NUDCD2: variants seen among roughly 807,000 people sequenced by gnomAD.
The protein encoded by NUDCD2 is NudC domain containing 2.
In NUDCD2, 16 loss-of-function variants were observed where a neutral mutation model predicts 20.8. That is an observed-to-expected ratio of 0.77 (90% CI 0.52 to 1.17). NUDCD2 has a LOEUF of 1.17. Among genes scored for constraint, NUDCD2 ranks in the 50% most tolerant of loss-of-function variants. The pLI, the probability that NUDCD2 is intolerant of heterozygous loss-of-function variation, is 0.00. For synonymous variants in NUDCD2, 87 were observed against 72.8 expected, an observed-to-expected ratio of 1.20 and a Z score of -1.00; for missense variants, 199 against 193.9, an observed-to-expected ratio of 1.03 and a Z score of -0.16.
chr5:163,457,100 A>C lies in NUDCD2; in HGVS notation c.239-20T>G, dbSNP rs201814363. ...TGTCCTCTAAAAAAAAAACACACAC[A>C]CACACACGCACAAATAAATTAGAGT... On this transcript the variant is annotated intron_variant, in intron 2 of 3. Coordinates refer to ENST00000302764, the MANE Select transcript of NUDCD2 (RefSeq NM_145266.6). 2.2e-5 allele frequency: 34 copies of C among 1,558,244 alleles called. 2 individuals are homozygous for C. The South Asian group carries it at 2.7e-4, about 13-fold the overall frequency.
chr5:163,458,454 G>A (rs1284358788), intron 1 of NUDCD2, among the ~76,000 whole-genome samples: 1 of 152,028 alleles, frequency 6.6e-6, no homozygotes, highest in Non-Finnish European at 1.5e-5. Flanking sequence ...GACTGCACCA[G>A]GCCCAGTAGC....
rs569573362 is a variant in NUDCD2 at position 163,458,601 on chromosome 5, T to A, written c.190-991A>T. 5.8e-3 allele frequency among the ~76,000 whole-genome samples: 882 copies of A among 152,162 alleles called. 10 individuals carry two copies. Among genetic ancestry groups the A allele is most frequent in the African/African-American group, 0.019 (775 of 41,522 alleles). On this transcript the variant is annotated intron_variant, in intron 1 of 3. Coordinates refer to ENST00000302764, the MANE Select transcript of NUDCD2 (RefSeq NM_145266.6). ...GACCCTGTCTCAATAAATATATATT[T>A]TTTTTTAAAGAGAGAATGCCTAAAC...
chr5:163,457,627 T>C lies in NUDCD2; in HGVS notation c.190-17A>G. ...GAGTTTGCCCTGAAAAATAAACATATAAGGTGCTAAAAATACAGAATTTAA... is the reference window on the plus strand; with the variant it reads ...GAGTTTGCCCTGAAAAATAAACATACAAGGTGCTAAAAATACAGAATTTAA... On this transcript the variant is annotated splice_polypyrimidine_tract_variant and intron_variant, in intron 1 of 3. Coordinates refer to ENST00000302764, the MANE Select transcript of NUDCD2 (RefSeq NM_145266.6). 2.7e-6 allele frequency: 4 copies of C among 1,506,744 alleles called. No homozygotes were observed. The highest frequency in any genetic ancestry group is 1.4e-5 in the African/African-American group (1 of 72,508). The allele number at this position is 1,506,744 out of a possible 1,614,324, so 93.3% of individuals were successfully genotyped here.
chr5:163,450,850 G>A lies in NUDCD2; in HGVS notation c.*3117C>T, dbSNP rs529736078. On this transcript the variant is annotated 3_prime_UTR_variant, in exon 4 of 4. Transcript: ENST00000302764. ...CATATGCACATAAAGACTTGTACAC[G>A]TTTATAGCAGCTTTAGTCAGGACAG... 9.8e-5 allele frequency: 15 copies of A among 152,308 alleles called. No homozygotes were observed. In the South Asian group the frequency reaches 1.5e-3, roughly 15 times the overall value. 9.4% of individuals were successfully genotyped at this position (152,308 alleles called of 1,614,324 possible). A position where few individuals can be genotyped will look rare whatever the true frequency, so the allele number is the denominator to read the frequency against.
rs776848201 is a variant in NUDCD2 at position 163,452,771 on chromosome 5, G to A, written c.*1196C>T. ...AGATGAATAACCTCAATCTAATCAT[G>A]AAGTATCAGACAGAACTCAAAATAA... On this transcript the variant is annotated 3_prime_UTR_variant, in exon 4 of 4. Coordinates refer to ENST00000302764, the MANE Select transcript of NUDCD2 (RefSeq NM_145266.6). 3 of 152,144 alleles carry A rather than the reference G, an allele frequency of 2.0e-5. No homozygotes were observed. Among genetic ancestry groups the A allele is most frequent in the Non-Finnish European group, 4.4e-5 (3 of 68,018 alleles). The allele number at this position is 152,144 out of a possible 1,614,324, so 9.4% of individuals were successfully genotyped here.
rs375907773 is a variant in NUDCD2 at position 163,459,944 on chromosome 5, G to C, written c.107C>G (p.Pro36Arg). 6.2e-7 allele frequency: 1 copy of C among 1,613,514 alleles called. No homozygotes were observed. The highest frequency in any genetic ancestry group is 2.2e-5 in the East Asian group (1 of 44,786). ...EEVFIEVQVP[P>R]GTRAQDIQCG... ...CTGGATATCCTGGGCGCGCGTGCCT[G>C]GCGGCACCTGAACTTCAATGAACAC... The change falls in exon 1 of 4, where the codon CCA becomes CGA. Residue 36 changes from proline to arginine, a missense_variant. By Grantham distance (103) the Pro-to-Arg change is moderately radical. Transcript: ENST00000302764.
intron 1 of NUDCD2, chr5:163,459,631 G>T (rs1472922510): frequency 5.3e-6 from 2 of 373,902 alleles, no homozygotes; most frequent in Non-Finnish European, 9.6e-6. Flanking sequence ...AGCAGAAGCA[G>T]CAGTCTTAGT....
In NUDCD2 at chr5:163,448,315, CAAAA is replaced by C. The variant is rs1296990907; in HGVS notation, c.*5648_*5651del. 1 of 151,532 alleles carries C rather than the reference CAAAA, an allele frequency of 6.6e-6. No homozygotes were observed. 9.4% of individuals were successfully genotyped at this position (151,532 alleles called of 1,614,324 possible). A position where few individuals can be genotyped will look rare whatever the true frequency, so the allele number is the denominator to read the frequency against. Reference sequence around the variant, plus strand: ...ATTGATAAACCTCTGGCAAAATTGACAAAAAAAGAGAAGGAATTCCAATCTTTGA... The same window carrying C: ...ATTGATAAACCTCTGGCAAAATTGACAAAGAGAAGGAATTCCAATCTTTGA... On this transcript the variant is annotated 3_prime_UTR_variant, in exon 4 of 4. Coordinates refer to ENST00000302764, the MANE Select transcript of NUDCD2 (RefSeq NM_145266.6).
At chr5:163,458,412 T>A (rs1758379810) in intron 1 of NUDCD2, among the ~76,000 whole-genome samples, 1 of 152,034 alleles carries the variant, frequency 6.6e-6, no homozygotes, top group Non-Finnish European at 1.5e-5. Flanking sequence ...TCATGTTTTT[T>A]AAAAAAATAA....
intron 1 of NUDCD2, chr5:163,459,179 T>G (rs1052283236): frequency 2.0e-5 from 3 of 152,102 alleles, no homozygotes; most frequent in Non-Finnish European, 4.4e-5. Flanking sequence ...TACACTGCCA[T>G]CAAACATCTT....
intron 3 of NUDCD2, 145 bp downstream of exon 3, chr5:163,456,784 C>A (rs964148089): frequency 3.7e-5 from 23 of 621,730 alleles, no homozygotes; most frequent in Non-Finnish European, 5.3e-5. Context: ...ACAAGAAAGG[C>A]CATTTTTCTA....
intron 3 of NUDCD2, among the ~76,000 whole-genome samples, chr5:163,454,529 C>A (rs897900508): frequency 6.6e-6 from 1 of 152,046 alleles, no homozygotes; most frequent in Non-Finnish European, 1.5e-5. Flanking sequence ...TTAGTAGACA[C>A]GGGGTTTCTC....
chr5:163,455,051 A>C (rs1206904493), intron 3 of NUDCD2, among the ~76,000 whole-genome samples: 2 of 152,172 alleles, frequency 1.3e-5, no homozygotes, highest in African/African-American at 4.8e-5. Flanking sequence ...TACGTATCCT[A>C]GAAAAGCTAT....
chr5:163,455,690 G>A (rs2113420153), intron 3 of NUDCD2, among the ~76,000 whole-genome samples: 1 of 151,574 alleles, frequency 6.6e-6, no homozygotes, highest in South Asian at 2.1e-4. Context: ...CGGGAATCCG[G>A]GAGGCGGAGC....
chr5:163,460,026 T>C lies in NUDCD2; in HGVS notation c.25A>G (p.Ser9Gly), dbSNP rs1165417835. The change falls in exon 1 of 4, where the codon AGT (serine) becomes GGT (glycine). Residue 9 changes from serine to glycine, a missense_variant. Ser to Gly is a moderately conservative substitution (Grantham distance 56). Transcript: ENST00000302764. MSAPFEER[S>G]GVVPCGTPWG... ...GGGGTCCCGCACGGTACCACCCCAC[T>C]CCGCTCCTCAAACGGGGCCGACATA... is the stretch of plus-strand genomic sequence containing the variant. The C allele has an allele frequency of 1.3e-6, 2 of 1,598,526 alleles. No homozygotes were observed. Among genetic ancestry groups the C allele is most frequent in the African/African-American group, 2.7e-5 (2 of 74,060 alleles).
Position 163,457,050 on chromosome 5 carries a change from G to T in NUDCD2, c.269C>A (p.Thr90Lys), listed in dbSNP as rs747827504. 1.2e-6 allele frequency: 2 copies of T among 1,610,402 alleles called. No homozygotes were observed. The highest frequency in any genetic ancestry group is 1.1e-5 in the South Asian group (1 of 90,690). Residue 90 changes from threonine (T) to lysine (K), a missense_variant, in exon 3 of 4, where the codon ACA becomes AAA. Thr to Lys is a moderately conservative substitution (Grantham distance 78). Coordinates refer to ENST00000302764, the MANE Select transcript of NUDCD2 (RefSeq NM_145266.6). ...ATTTGCTGCATCTCTCTTTGTCTTT[G>T]TAAGAACAATACGAACCATTTTTCT... ...EDRKMVRIVL[T>K]KTKRDAANCW... is the part of the protein sequence containing the mutation.
At chr5:163,458,855 T>A (rs1465070455) in intron 1 of NUDCD2, 2 of 152,240 alleles carry the variant, frequency 1.3e-5, no homozygotes, top group Non-Finnish European at 1.5e-5. Flanking sequence ...AAACTATGAA[T>A]TGTACAATTC....
In NUDCD2 at chr5:163,448,210, AAAG is replaced by A. The variant is rs1391338988; in HGVS notation, c.*5754_*5756del. 6.6e-6 allele frequency: 1 copy of A among 152,124 alleles called. No individual in the cohort carries two copies. The allele number at this position is 152,124 out of a possible 1,614,324, so 9.4% of individuals were successfully genotyped here. A position where few individuals can be genotyped will look rare whatever the true frequency, so the allele number is the denominator to read the frequency against. The stretch of plus-strand genomic sequence containing the variant: ...AGCAAGCAGAAAGAAGAAAAAAAAA[AAAG>A]AGGCAGAAAATAAATGCAATTGTAA... On this transcript the variant is annotated 3_prime_UTR_variant, in exon 4 of 4. Coordinates refer to ENST00000302764, the MANE Select transcript of NUDCD2 (RefSeq NM_145266.6).
At chr5:163,459,657 G>T in intron 1 of NUDCD2, 2 of 416,938 alleles carry the variant, frequency 4.8e-6, no homozygotes, top group Non-Finnish European at 8.5e-6. Flanking sequence ...AACTAAACAC[G>T]AAAATAGGCT....
Sources: allele counts gnomAD v4.1 joint callset (sites outside exome capture counted in the v4.1 genomes callset), GRCh38; gene constraint gnomAD v4.1.1; transcripts MANE v1.5; gene names NCBI Gene and HGNC (gene_info 2026-07-23, HGNC 2026-07-21).